SCMH1: variants seen among roughly 807,000 people sequenced by gnomAD.
SCMH1 encodes Scm polycomb group protein homolog 1, also known as polycomb protein SCMH1.
SCMH1 carries 37 observed loss-of-function variants against 70.8 expected under a neutral mutation model. That is an observed-to-expected ratio of 0.52 (90% CI 0.40 to 0.69). SCMH1 has a LOEUF of 0.69. Ranked by LOEUF, SCMH1 falls within the 30% of genes least tolerant of loss-of-function variation. The probability of loss-of-function intolerance (pLI) is 0.00; values close to 1 mark genes in which losing one functional copy is unlikely to be tolerated. For missense variants in SCMH1, 607 were observed against 827.3 expected (o/e 0.73, Z 3.27); for synonymous variants, 292 against 307.4 (o/e 0.95, Z 0.52).
At chr1:41,062,824 CAGG>C (rs1653203375) in intron 10 of SCMH1, among the ~76,000 whole-genome samples, 1 of 132,158 alleles carries the variant, frequency 7.6e-6, no homozygotes, top group African/African-American at 2.9e-5. Context: ...GAAGCTGAGG[CAGG>C]AGAATTGCTT....
intron 8 of SCMH1, among the ~76,000 whole-genome samples, chr1:41,091,527 C>T (rs1374689204): frequency 6.6e-6 from 1 of 152,184 alleles, no homozygotes; most frequent in Non-Finnish European, 1.5e-5. Context: ...GTTGGAAGTT[C>T]TGGCCAGGGC....
At chr1:41,104,583 G>T (rs1667407688) in intron 8 of SCMH1, among the ~76,000 whole-genome samples, 1 of 152,070 alleles carries the variant, frequency 6.6e-6, no homozygotes, top group Admixed American at 6.6e-5. Flanking sequence ...AAATATCACA[G>T]GTACCCCATC....
At chr1:41,050,957 T>C (rs1267805989) in intron 10 of SCMH1, among the ~76,000 whole-genome samples, 1 of 151,928 alleles carries the variant, frequency 6.6e-6, no homozygotes, top group Non-Finnish European at 1.5e-5. Context: ...AATGCAGGAA[T>C]CCAGAGAGAT....
At chr1:41,069,934 G>C (rs1440966449) in intron 10 of SCMH1, among the ~76,000 whole-genome samples, 1 of 152,166 alleles carries the variant, frequency 6.6e-6, no homozygotes, top group African/African-American at 2.4e-5. Context: ...CATGCCAATT[G>C]CTTAAGACTT....
At chr1:41,125,325 T>C (rs1672917448) in intron 6 of SCMH1, among the ~76,000 whole-genome samples, 1 of 151,782 alleles carries the variant, frequency 6.6e-6, no homozygotes, top group Non-Finnish European at 1.5e-5. Flanking sequence ...AGCTGATTCT[T>C]CCTTTTCAGC....
chr1:41,159,745 C>G, intron 4 of SCMH1: 1 of 1,533,414 alleles, frequency 6.5e-7, no homozygotes, highest in Non-Finnish European at 8.8e-7. Context: ...TCATTTCATT[C>G]ATTTCTTCAG....
At chr1:41,187,826 A>AT (rs1367536178) in intron 1 of SCMH1, among the ~76,000 whole-genome samples, 106 of 146,380 alleles carry the variant, frequency 7.2e-4, no homozygotes, top group Middle Eastern at 3.5e-3. Context: ...AAAAAAAAAA[A>AT]ATATAAAAAT....
At chr1:41,103,697 A>G (rs1158874370) in intron 8 of SCMH1, among the ~76,000 whole-genome samples, 3 of 152,196 alleles carry the variant, frequency 2.0e-5, no homozygotes, top group Non-Finnish European at 2.9e-5. Flanking sequence ...AGAGATGCCA[A>G]TTGTTTCATT....
At chr1:41,226,283 C>T (rs1426668755) in intron 1 of SCMH1, among the ~76,000 whole-genome samples, 1 of 152,146 alleles carries the variant, frequency 6.6e-6, no homozygotes, top group Non-Finnish European at 1.5e-5. Context: ...CCTTTCACCA[C>T]ATATCATTTA....
chr1:41,034,489 G>A (rs1335440272), intron 13 of SCMH1, among the ~76,000 whole-genome samples: 4 of 151,920 alleles, frequency 2.6e-5, no homozygotes, highest in Non-Finnish European at 4.4e-5. Context: ...TACCACGTCC[G>A]GCTAATTTTT....
Position 41,142,877 on chromosome 1 carries a change from C to T in SCMH1, c.412+1G>A. 1 of 1,612,280 alleles carries T rather than the reference C, an allele frequency of 6.2e-7. No individual in the cohort carries two copies. The highest frequency in any genetic ancestry group is 1.7e-5 in the Admixed American group (1 of 60,016). ...GAAAGAGTTTGGGTTTACTTACTCA[C>T]CAAGAGGTGGCTGTAGCATACCCCC... On this transcript the variant is annotated splice_donor_variant, in intron 6 of 14. Coordinates refer to ENST00000337495, the Ensembl canonical transcript of SCMH1. LOFTEE classifies it high-confidence loss of function.
rs1163092778 is a variant in SCMH1, at chr1:41,046,323, T to G, written c.1498+84A>C. 5.7e-6 allele frequency: 7 copies of G among 1,234,578 alleles called. No individual in the cohort carries two copies. The East Asian group carries it at 1.7e-4, about 29-fold the overall frequency. The allele number at this position is 1,234,578 out of a possible 1,614,324, so 76.5% of individuals were successfully genotyped here. Reference sequence around the variant, plus strand: ...AGATAGTAGGTGCCAGGCCAGTAGTTCTGAAGGCTGACCCTGGGCCCCTGC... The same window carrying G: ...AGATAGTAGGTGCCAGGCCAGTAGTGCTGAAGGCTGACCCTGGGCCCCTGC... On this transcript the variant is annotated intron_variant, in intron 12 of 14. Transcript: ENST00000337495.
chr1:41,166,602 G>A (rs1349229771), intron 2 of SCMH1, among the ~76,000 whole-genome samples: 1 of 151,998 alleles, frequency 6.6e-6, no homozygotes, highest in Non-Finnish European at 1.5e-5. Context: ...TTAGAAGTAA[G>A]TGGTATTGTA....
intron 1 of SCMH1, among the ~76,000 whole-genome samples, chr1:41,220,389 C>T (rs1216132109): frequency 6.6e-6 from 1 of 152,232 alleles, no homozygotes; most frequent in African/African-American, 2.4e-5. Flanking sequence ...GTTATGTGAA[C>T]TAAGCCCTAT....
intron 1 of SCMH1, among the ~76,000 whole-genome samples, chr1:41,220,791 G>T (rs967827857): frequency 6.6e-6 from 1 of 152,140 alleles, no homozygotes; most frequent in Non-Finnish European, 1.5e-5. Context: ...TCTGAACAAG[G>T]TAAACTGGTG....
chr1:41,153,517 G>A (rs781349805), intron 4 of SCMH1, among the ~76,000 whole-genome samples: 2 of 151,896 alleles, frequency 1.3e-5, no homozygotes, highest in Non-Finnish European at 2.9e-5. Context: ...CAACAATTAG[G>A]GTATTAATTA....
intron 1 of SCMH1, among the ~76,000 whole-genome samples, chr1:41,210,605 G>A (rs1421554268): frequency 6.6e-6 from 1 of 152,056 alleles, no homozygotes; most frequent in African/African-American, 2.4e-5. Context: ...CAAGAAATAG[G>A]GGAAGGATTC....
intron 12 of SCMH1, among the ~76,000 whole-genome samples, chr1:41,042,255 C>CT (rs530737168): frequency 4.3e-4 from 61 of 142,330 alleles, no homozygotes; most frequent in Non-Finnish European, 5.1e-4. Context: ...CCAGAAGGGG[C>CT]TTTTTTTTTT....
intron 1 of SCMH1, among the ~76,000 whole-genome samples, chr1:41,200,108 G>T (rs962356525): frequency 2.0e-5 from 3 of 152,110 alleles, no homozygotes; most frequent in Non-Finnish European, 4.4e-5. Flanking sequence ...GATCTTTTTT[G>T]ATTGTAATCC....
Sources: allele counts gnomAD v4.1 joint callset (sites outside exome capture counted in the v4.1 genomes callset), GRCh38; gene constraint gnomAD v4.1.1; transcripts MANE v1.5; gene names NCBI Gene and HGNC (gene_info 2026-07-23, HGNC 2026-07-21).